MED13L: variants seen among roughly 807,000 people sequenced by gnomAD.
MED13L encodes mediator complex subunit 13L.
A neutral mutation model predicts 220.9 loss-of-function variants in MED13L; 7 were observed. The observed-to-expected ratio is 0.03, with a 90% CI of 0.02 to 0.06. The LOEUF (loss-of-function observed/expected upper bound fraction) is 0.06. Ranked by LOEUF, MED13L falls within the 10% of genes least tolerant of loss-of-function variation. MED13L has a pLI of 1.00. For missense variants in MED13L, 1,965 were observed against 2,760.5 expected, an observed-to-expected ratio of 0.71 and a Z score of 6.46; for synonymous variants, 1,011 against 1,015.2, an observed-to-expected ratio of 1.00 and a Z score of 0.08.
chr12:116,176,496 T>G (rs748726287), intron 2 of MED13L, among the ~76,000 whole-genome samples: 1 of 152,080 alleles, frequency 6.6e-6, no homozygotes, highest in African/African-American at 2.4e-5. Flanking sequence ...ATATGAAGAA[T>G]GTAAGCTGAA....
intron 7 of MED13L, 67 bp from the exon 8 acceptor site, chr12:116,015,341 T>C (rs1879663385): frequency 6.6e-7 from 1 of 1,510,286 alleles, no homozygotes; most frequent in Non-Finnish European, 9.2e-7. Flanking sequence ...TAGACTGCTA[T>C]CTTATTAACA....
intron 2 of MED13L, among the ~76,000 whole-genome samples, chr12:116,234,210 T>C (rs1348262492): frequency 1.4e-5 from 2 of 147,354 alleles, no homozygotes; most frequent in Non-Finnish European, 3.0e-5. Flanking sequence ...GCTAACAGGA[T>C]TCTGCTATTT....
In MED13L at chr12:115,980,880, T is replaced by C. The variant is rs1877281530; in HGVS notation, c.5234A>G (p.Gln1745Arg). The C allele has an allele frequency of 6.2e-7, 1 of 1,613,538 alleles. No homozygotes were observed. ...TGAAAATGCCATGGACTTCAAGTAT[T>C]GAATGTAGAAAACTTGCTCATCCTT... ...TMKDEQVFYIQYLKSMAFSVY... is the reference protein window; with the variant it reads ...TMKDEQVFYIRYLKSMAFSVY... The change falls in exon 23 of 31, where the codon CAA (glutamine) becomes CGA (arginine). Residue 1745 changes from glutamine (Q) to arginine (R), a missense_variant. Transcript: ENST00000281928.
intron 7 of MED13L, among the ~76,000 whole-genome samples, chr12:116,015,812 T>C (rs1449087978): frequency 2.6e-5 from 4 of 152,180 alleles, no homozygotes; most frequent in Admixed American, 1.3e-4. Flanking sequence ...AATTTCAAAT[T>C]TGTGTGTGGT....
intron 1 of MED13L, among the ~76,000 whole-genome samples, chr12:116,238,709 T>C (rs1299556228): frequency 2.0e-5 from 3 of 152,004 alleles, no homozygotes; most frequent in Non-Finnish European, 2.9e-5. Flanking sequence ...ACTAACATAA[T>C]TGAAACATAT....
At chr12:116,270,245 G>A (rs1272139406) in intron 1 of MED13L, among the ~76,000 whole-genome samples, 5 of 151,688 alleles carry the variant, frequency 3.3e-5, no homozygotes, top group African/African-American at 9.7e-5. Context: ...GGAATCAAGC[G>A]ATTCCCCTGC....
intron 1 of MED13L, among the ~76,000 whole-genome samples, chr12:116,272,572 A>AC (rs1873466397): frequency 6.6e-6 from 1 of 152,046 alleles, no homozygotes; most frequent in Non-Finnish European, 1.5e-5. Flanking sequence ...CCAAAACAAA[A>AC]AAAAAAAATG....
intron 2 of MED13L, among the ~76,000 whole-genome samples, chr12:116,156,906 G>A (rs1287834348): frequency 6.6e-6 from 1 of 152,110 alleles, no homozygotes; most frequent in Non-Finnish European, 1.5e-5. Context: ...TGAACATTGA[G>A]GATGAAAGAG....
At chr12:116,208,649 T>C (rs1468374812) in intron 2 of MED13L, among the ~76,000 whole-genome samples, 3 of 152,186 alleles carry the variant, frequency 2.0e-5, no homozygotes, top group South Asian at 2.1e-4. Flanking sequence ...AGGATAAAAC[T>C]AATTCAAATA....
chr12:116,134,089 TAATAA>T (rs1346781851), intron 2 of MED13L, among the ~76,000 whole-genome samples: 1 of 152,202 alleles, frequency 6.6e-6, no homozygotes, highest in East Asian at 1.9e-4. Context: ...TCCATAGGCA[TAATAA>T]AATAAACTGT....
chr12:116,264,623 C>T (rs1192050159), intron 1 of MED13L, among the ~76,000 whole-genome samples: 3 of 152,170 alleles, frequency 2.0e-5, no homozygotes, highest in Non-Finnish European at 1.5e-5. Context: ...GAGGTGTCTT[C>T]ATCTTTTCTA....
At chr12:116,097,428 G>T (rs1350741433) in intron 3 of MED13L, among the ~76,000 whole-genome samples, 1 of 152,122 alleles carries the variant, frequency 6.6e-6, no homozygotes, top group South Asian at 2.1e-4. Flanking sequence ...TTATAGGTGT[G>T]AGCCATCATG....
intron 14 of MED13L, among the ~76,000 whole-genome samples, chr12:116,000,344 C>T (rs558696741): frequency 1.3e-5 from 2 of 152,328 alleles, no homozygotes; most frequent in Admixed American, 6.5e-5. Context: ...GAAACAGCCA[C>T]CAGGACGGAC....
At chr12:115,963,823 A>T (rs944845383) in intron 29 of MED13L, among the ~76,000 whole-genome samples, 1 of 152,232 alleles carries the variant, frequency 6.6e-6, no homozygotes, top group Non-Finnish European at 1.5e-5. Context: ...ATAAGGTCCC[A>T]TGAATTGATA....
chr12:116,009,876 C>T (rs1434634982), intron 9 of MED13L, among the ~76,000 whole-genome samples: 1 of 152,186 alleles, frequency 6.6e-6, no homozygotes, highest in African/African-American at 2.4e-5. Flanking sequence ...TAAGAGCCCA[C>T]TACATGATGC....
At chr12:116,088,053 C>CAAAAAA (rs1871867476) in intron 4 of MED13L, among the ~76,000 whole-genome samples, 1 of 151,998 alleles carries the variant, frequency 6.6e-6, no homozygotes. Flanking sequence ...CCTGAGTTAC[C>CAAAAAA]AAATGCAGGA....
At chr12:116,230,745 T>C (rs1191675904) in intron 2 of MED13L, among the ~76,000 whole-genome samples, 1 of 152,214 alleles carries the variant, frequency 6.6e-6, no homozygotes, top group African/African-American at 2.4e-5. Context: ...AAAATAGTCA[T>C]TACTTTTCCA....
At position 116,237,651 on chromosome 12, in the gene MED13L, A is replaced by G. The variant is rs768315802; in HGVS notation, c.127T>C (p.Cys43Arg). 7 of 1,614,210 alleles carry G rather than the reference A, an allele frequency of 4.3e-6. No homozygotes were observed. The East Asian group carries it at 6.7e-5, about 15-fold the overall frequency. Reference protein sequence around the residue: ...RRYNFGGHGDCGPIISAPAQD... With the variant: ...RRYNFGGHGDRGPIISAPAQD... ...GCTGGGGCTGAAATTATGGGTCCAC[A>G]GTCCCCATGCCCTCCAAAATTGTAC... The change falls in exon 2 of 31, where the codon TGT (cysteine) becomes CGT (arginine). Residue 43 changes from cysteine (C) to arginine (R), a missense_variant. By Grantham distance (180) the Cys-to-Arg change is radical. Around this residue, in one of 10 missense-constraint regions of MED13L, gnomAD observed 818 missense variants for 1,041.2 expected, o/e 0.79. Coordinates refer to ENST00000281928, the MANE Select transcript of MED13L (RefSeq NM_015335.5).
intron 2 of MED13L, among the ~76,000 whole-genome samples, chr12:116,206,617 T>A (rs1882350342): frequency 6.6e-6 from 1 of 151,958 alleles, no homozygotes; most frequent in Admixed American, 6.6e-5. Context: ...AAACAGCAAG[T>A]AGCCTTTTTT....
Sources: allele counts gnomAD v4.1 joint callset (sites outside exome capture counted in the v4.1 genomes callset), GRCh38; gene constraint gnomAD v4.1.1; regional missense constraint gnomAD v4.1.1; transcripts MANE v1.5; gene names NCBI Gene and HGNC (gene_info 2026-07-23, HGNC 2026-07-21).